Variants in NR4A3 observed in about 807,000 individuals in gnomAD.
The protein encoded by NR4A3 is nuclear receptor subfamily 4 group A member 3, also known as chondrosarcoma, extraskeletal myxoid, fused to EWS.
Under a neutral mutation model 55.6 loss-of-function variants are expected in NR4A3, and 13 were observed. The observed-to-expected ratio is 0.23, with a 90% confidence interval of 0.15 to 0.37. The LOEUF is 0.37. NR4A3 is among the 10% of genes least tolerant of loss of function. NR4A3 has a pLI of 1.00. For synonymous variants in NR4A3, 342 were observed against 357.9 expected, an observed-to-expected ratio of 0.96 and a Z score of 0.50; for missense variants, 646 against 822.8, an observed-to-expected ratio of 0.79 and a Z score of 2.63.
intron 3 of NR4A3, among the ~76,000 whole-genome samples, chr9:99,830,451 A>T (rs747161110): frequency 1.9e-4 from 29 of 152,262 alleles, no homozygotes; most frequent in Non-Finnish European, 4.0e-4. Flanking sequence ...GTAAAAATGC[A>T]CATTTGTGGA....
At chr9:99,843,707 A>G (rs1025717619) in intron 5 of NR4A3, among the ~76,000 whole-genome samples, 7 of 150,062 alleles carry the variant, frequency 4.7e-5, no homozygotes, top group Non-Finnish European at 8.9e-5. Context: ...TGCTGTGTCT[A>G]CCCCCAGAGT....
At position 99,858,816 on chromosome 9, in the gene NR4A3, G is replaced by A. The variant is rs557503796; in HGVS notation, c.1634-4804G>A. Among the ~76,000 whole-genome samples, 13 of 152,314 alleles carry A rather than the reference G, an allele frequency of 8.5e-5. No individual in the cohort carries two copies. In the East Asian group the frequency reaches 1.7e-3, roughly 20 times the overall value. On this transcript the variant is annotated intron_variant, in intron 7 of 7. Transcript: ENST00000395097. The stretch of plus-strand genomic sequence containing the variant: ...GTCCTGCCTAATTCACAGGATTGTT[G>A]TGAGAGTGAGATAAGATAATCTAAG...
At chr9:99,856,674 G>A (rs541541585) in intron 7 of NR4A3, among the ~76,000 whole-genome samples, 6 of 152,214 alleles carry the variant, frequency 3.9e-5, no homozygotes, top group Non-Finnish European at 8.8e-5. Context: ...TGAACACTAG[G>A]TGTGGACTCA....
At chr9:99,831,139 T>C (rs1338319808) in intron 3 of NR4A3, among the ~76,000 whole-genome samples, 2 of 152,342 alleles carry the variant, frequency 1.3e-5, no homozygotes, top group Non-Finnish European at 2.9e-5. Flanking sequence ...CTCCCTGTCC[T>C]TAAACACAAA....
rs1051806461 is a variant in NR4A3, at chr9:99,822,777, G to A, written c.-177+370G>A. Among the ~76,000 whole-genome samples, 3 of 152,200 alleles carry A rather than the reference G, an allele frequency of 2.0e-5. No individual in the cohort carries two copies. The highest frequency in any genetic ancestry group is 1.3e-4 in the Admixed American group (2 of 15,290). On this transcript the variant is annotated intron_variant, in intron 1 of 7. Coordinates refer to ENST00000395097, the MANE Select transcript of NR4A3 (RefSeq NM_006981.4). This position sits in a 1 kb window ranked among gnomAD's most constrained non-coding sequence, Gnocchi z 4.9. ...CGGCGGCGGCGGCGGCAGCGGCAGCGGCAGGGAGTTGCAGCTCCGGTGATG... is the reference window on the plus strand; with the variant it reads ...CGGCGGCGGCGGCGGCAGCGGCAGCAGCAGGGAGTTGCAGCTCCGGTGATG...
At chr9:99,833,589 G>T in intron 5 of NR4A3, 135 bp downstream of exon 5, 2 of 1,602,694 alleles carry the variant, frequency 1.2e-6, no homozygotes. Flanking sequence ...TATATTTCTC[G>T]CTTCATTTAG....
At position 99,862,531 on chromosome 9, in the gene NR4A3, CAG is replaced by C. The variant is rs1192424546; in HGVS notation, c.1634-1086_1634-1085del. ...CACCACTGCACCCCAGCCTAGGCAACAGAGTAAGACTCTGTCTCAAAAAAAAA... is the reference window on the plus strand; with the variant it reads ...CACCACTGCACCCCAGCCTAGGCAACAGTAAGACTCTGTCTCAAAAAAAAA... On this transcript the variant is annotated intron_variant, in intron 7 of 7. Transcript: ENST00000395097. Among the ~76,000 whole-genome samples the C allele has an allele frequency of 4.2e-5, 4 of 95,384 alleles. No individual in the cohort carries two copies. The Admixed American group carries it at 4.3e-4, about 10-fold the overall frequency. The allele number at this position is 95,384 out of a possible 152,430, so 62.6% of individuals were successfully genotyped here.
In NR4A3 at chr9:99,822,631, C is replaced by A. The variant is rs3739792; in HGVS notation, c.-177+224C>A. On this transcript the variant is annotated intron_variant, in intron 1 of 7. Coordinates refer to ENST00000395097, the MANE Select transcript of NR4A3 (RefSeq NM_006981.4). The surrounding 1 kb of genome is among the most constrained non-coding windows in gnomAD (Gnocchi z 4.9). The stretch of plus-strand genomic sequence containing the variant: ...CTGGAGCTCGTGGGATTCCTCCCCC[C>A]ACTCGAAGAGGCGAAAAGCCTCTAA... 3.9e-5 allele frequency among the ~76,000 whole-genome samples: 6 copies of A among 152,176 alleles called. No individual in the cohort carries two copies. Among genetic ancestry groups the A allele is most frequent in the African/African-American group, 9.7e-5 (4 of 41,450 alleles).
intron 7 of NR4A3, among the ~76,000 whole-genome samples, chr9:99,850,250 G>T (rs910664114): frequency 6.6e-6 from 1 of 152,202 alleles, no homozygotes; most frequent in Non-Finnish European, 1.5e-5. Context: ...GATTTACCCT[G>T]TCAGTGAGTT....
chr9:99,863,609 TC>T lies in NR4A3; in HGVS notation c.1634-8del. 1 of 1,611,312 alleles carries T rather than the reference TC, an allele frequency of 6.2e-7. No homozygotes were observed. Among genetic ancestry groups the T allele is most frequent in the Admixed American group, 1.7e-5 (1 of 59,484 alleles). On this transcript the variant is annotated splice_polypyrimidine_tract_variant and intron_variant, in intron 7 of 7. Transcript: ENST00000395097. ...CTCCTAAACTTCTTGCCCTTCTCTA[TC>T]CCTCTGCAGAAAGACATGGGTTAAA...
chr9:99,842,708 C>T (rs2900222), intron 5 of NR4A3, among the ~76,000 whole-genome samples: 54,417 of 151,316 alleles, frequency 0.36, 10,097 homozygotes, highest in African/African-American at 0.41. Flanking sequence ...CCAGCCTGGG[C>T]GACAGAGCAA....
At chr9:99,853,174 T>C (rs546616360) in intron 7 of NR4A3, among the ~76,000 whole-genome samples, 2 of 152,232 alleles carry the variant, frequency 1.3e-5, no homozygotes, top group African/African-American at 2.4e-5. Flanking sequence ...TGAACTAATA[T>C]GTACTATGCA....
rs181717104 is a variant in NR4A3 at position 99,827,532 on chromosome 9, C to T, written c.-2-509C>T. On this transcript the variant is annotated intron_variant, in intron 2 of 7. Transcript: ENST00000395097. Reference sequence around the variant, plus strand: ...TGGCACTCATAAAATGTTAGAATGTCAACTCTCTCCCTTGGCCACTAAATC... The same window carrying T: ...TGGCACTCATAAAATGTTAGAATGTTAACTCTCTCCCTTGGCCACTAAATC... Among the ~76,000 whole-genome samples the T allele has an allele frequency of 1.5e-3, 227 of 152,286 alleles. 1 individual carries two copies. Among genetic ancestry groups the T allele is most frequent in the African/African-American group, 5.3e-3 (221 of 41,538 alleles).
In NR4A3 at chr9:99,846,573, C is replaced by T. The variant is rs140247445; in HGVS notation, c.1455-864C>T. Among the ~76,000 whole-genome samples the T allele has an allele frequency of 2.5e-3, 381 of 152,282 alleles. 2 individuals carry two copies. The highest frequency in any genetic ancestry group is 8.7e-3 in the African/African-American group (361 of 41,560). Reference sequence around the variant, plus strand: ...AATGTTAAAAGCAGAGAAGGTAATACAAAATAAGGACTTGTTTTATGTTAG... The same window carrying T: ...AATGTTAAAAGCAGAGAAGGTAATATAAAATAAGGACTTGTTTTATGTTAG... On this transcript the variant is annotated intron_variant, in intron 6 of 7. Coordinates refer to ENST00000395097, the MANE Select transcript of NR4A3 (RefSeq NM_006981.4).
intron 5 of NR4A3, among the ~76,000 whole-genome samples, chr9:99,843,710 C>A (rs150835234): frequency 6.6e-6 from 1 of 151,740 alleles, no homozygotes; most frequent in South Asian, 2.1e-4. Context: ...TGTGTCTACC[C>A]CCAGAGTTTC....
chr9:99,845,851 G>C (rs903423570), intron 6 of NR4A3, among the ~76,000 whole-genome samples: 6 of 152,198 alleles, frequency 3.9e-5, no homozygotes, highest in African/African-American at 1.2e-4. Flanking sequence ...TCTGTGGAGG[G>C]ATCAGTAGGA....
rs1042277388 is a variant in NR4A3 at position 99,856,527 on chromosome 9, G to C, written c.1634-7093G>C. Among the ~76,000 whole-genome samples, 13 of 152,298 alleles carry C rather than the reference G, an allele frequency of 8.5e-5. No homozygotes were observed. The East Asian group carries it at 2.5e-3, about 29-fold the overall frequency. ...AGGCCATGGACCAATACCAATTGGG[G>C]ACCCCTGATATATAGGATGGCAAAT... On this transcript the variant is annotated intron_variant, in intron 7 of 7. Transcript: ENST00000395097.
chr9:99,847,409 T>A, intron 6 of NR4A3, 28 bp from the exon 7 acceptor site: 1 of 1,604,176 alleles, frequency 6.2e-7, no homozygotes, highest in Non-Finnish European at 8.5e-7. Context: ...CAGACCTGTT[T>A]AATGTTTGTC....
chr9:99,852,895 C>T (rs1373949195), intron 7 of NR4A3, among the ~76,000 whole-genome samples: 1 of 152,206 alleles, frequency 6.6e-6, no homozygotes, highest in Non-Finnish European at 1.5e-5. Context: ...TACCTGGTTA[C>T]CCCTGCTTTT....
Sources: allele counts gnomAD v4.1 joint callset (sites outside exome capture counted in the v4.1 genomes callset), GRCh38; gene constraint gnomAD v4.1.1; non-coding constraint Gnocchi (gnomAD v3.1); transcripts MANE v1.5; gene names NCBI Gene and HGNC (gene_info 2026-07-23, HGNC 2026-07-21).